Variants in CDH4 observed in about 807,000 individuals in gnomAD.
CDH4 encodes the protein cadherin 4.
CDH4 carries 33 observed loss-of-function variants against 86.0 expected under a neutral mutation model. The ratio of observed to expected loss-of-function variants is 0.38; its 90% CI spans 0.29 to 0.51. The LOEUF (loss-of-function observed/expected upper bound fraction) is 0.51. CDH4 is among the 20% of genes least tolerant of loss of function. The pLI is 0.86. For missense variants in CDH4, 1,114 were observed against 1,307.4 expected (o/e 0.85, Z 2.28); for synonymous variants, 555 against 549.4 (o/e 1.01, Z -0.14).
chr20:61,333,147 C>G (rs1383933730), intron 2 of CDH4, among the ~76,000 whole-genome samples: 1 of 152,116 alleles, frequency 6.6e-6, no homozygotes, highest in Non-Finnish European at 1.5e-5. Flanking sequence ...GGCATTGTGG[C>G]AACTCTAATA....
chr20:61,351,325 T>G (rs2123300321), intron 2 of CDH4, among the ~76,000 whole-genome samples: 1 of 152,290 alleles, frequency 6.6e-6, no homozygotes, highest in Non-Finnish European at 1.5e-5. Context: ...ATATAAGTGA[T>G]CCAGAGGTGA....
At chr20:61,398,889 C>A (rs1359169404) in intron 2 of CDH4, among the ~76,000 whole-genome samples, 1 of 152,210 alleles carries the variant, frequency 6.6e-6, no homozygotes, top group Non-Finnish European at 1.5e-5. Flanking sequence ...CACAGTCAGA[C>A]CCCGGCCACA....
intron 2 of CDH4, among the ~76,000 whole-genome samples, chr20:61,560,396 A>G (rs999909727): frequency 1.3e-5 from 2 of 152,148 alleles, no homozygotes; most frequent in Admixed American, 6.5e-5. Context: ...ACTCGCAACC[A>G]TTGTTTGAGG....
intron 2 of CDH4, among the ~76,000 whole-genome samples, chr20:61,366,392 G>A (rs1483832923): frequency 6.6e-6 from 1 of 152,166 alleles, no homozygotes; most frequent in Non-Finnish European, 1.5e-5. Context: ...AGCTCGGTCG[G>A]GGAGACCCTA....
intron 2 of CDH4, among the ~76,000 whole-genome samples, chr20:61,274,542 C>A (rs2084214037): frequency 6.9e-6 from 1 of 144,968 alleles, no homozygotes; most frequent in Non-Finnish European, 1.5e-5. Context: ...TGGGGGAATA[C>A]CATGTGCAAC....
intron 2 of CDH4, among the ~76,000 whole-genome samples, chr20:61,425,879 A>G (rs2085212258): frequency 6.6e-6 from 1 of 150,426 alleles, no homozygotes; most frequent in South Asian, 2.1e-4. Context: ...AGAATGGCCA[A>G]TTGCAGGACG....
chr20:61,310,219 G>T (rs1444810054), intron 2 of CDH4, among the ~76,000 whole-genome samples: 1 of 152,136 alleles, frequency 6.6e-6, no homozygotes, highest in Non-Finnish European at 1.5e-5. Flanking sequence ...TTGCTAGAGT[G>T]GGTGATGGGG....
chr20:61,534,648 C>CTTTCTTTTTTT (rs1568881693), intron 2 of CDH4, among the ~76,000 whole-genome samples: 14 of 108,374 alleles, frequency 1.3e-4, no homozygotes, highest in African/African-American at 4.8e-4. Flanking sequence ...TTCTTTCTTT[C>CTTTCTTTTTTT]TTTTCTTTCT....
At chr20:61,438,210 G>C (rs750797832) in intron 2 of CDH4, among the ~76,000 whole-genome samples, 6 of 152,056 alleles carry the variant, frequency 3.9e-5, no homozygotes, top group Non-Finnish European at 8.8e-5. Context: ...TTTAATTCAA[G>C]GACAAGTATC....
chr20:61,317,675 A>C (rs1229128496), intron 2 of CDH4, among the ~76,000 whole-genome samples: 1 of 152,122 alleles, frequency 6.6e-6, no homozygotes, highest in African/African-American at 2.4e-5. Context: ...CCCCTCCCCT[A>C]GGTGCCACAA....
intron 2 of CDH4, among the ~76,000 whole-genome samples, chr20:61,511,630 T>C (rs1272543612): frequency 6.6e-6 from 1 of 152,240 alleles, no homozygotes; most frequent in East Asian, 1.9e-4. Context: ...AAAATATGTG[T>C]ATGCATTAAG....
intron 2 of CDH4, among the ~76,000 whole-genome samples, chr20:61,631,440 A>C (rs2086887463): frequency 6.6e-6 from 1 of 152,108 alleles, no homozygotes; most frequent in African/African-American, 2.4e-5. Flanking sequence ...AGGGATTCGA[A>C]ACCAGCCTGG....
At chr20:61,519,127 G>A (rs7267177) in intron 2 of CDH4, among the ~76,000 whole-genome samples, 3,097 of 152,316 alleles carry the variant, frequency 0.02, 102 homozygotes, top group African/African-American at 0.07. Flanking sequence ...TTTAATGGAA[G>A]TTTCCACCAC....
chr20:61,569,437 G>A (rs961542996), intron 2 of CDH4, among the ~76,000 whole-genome samples: 96 of 152,208 alleles, frequency 6.3e-4, no homozygotes, highest in African/African-American at 2.3e-3. Flanking sequence ...CACAATGTCT[G>A]CTCTAGTCTC....
intron 2 of CDH4, among the ~76,000 whole-genome samples, chr20:61,292,805 T>C (rs377260583): frequency 6.6e-6 from 1 of 152,242 alleles, no homozygotes; most frequent in Non-Finnish European, 1.5e-5. Context: ...TTTGTTTTTG[T>C]AGCAACCTCT....
intron 4 of CDH4, among the ~76,000 whole-genome samples, chr20:61,819,028 G>C (rs576641495): frequency 4.6e-5 from 7 of 152,214 alleles, no homozygotes; most frequent in African/African-American, 1.7e-4. Flanking sequence ...TGGGCAGCAC[G>C]GCAGGAGCCA....
At chr20:61,828,316 C>A (rs1036205970) in intron 4 of CDH4, among the ~76,000 whole-genome samples, 12 of 152,174 alleles carry the variant, frequency 7.9e-5, no homozygotes, top group Admixed American at 7.2e-4. Context: ...TTGCCTCCCC[C>A]CATTACACAT....
intron 2 of CDH4, among the ~76,000 whole-genome samples, chr20:61,420,615 CA>C (rs2085171936): frequency 3.9e-5 from 6 of 152,250 alleles, no homozygotes; most frequent in Admixed American, 2.6e-4. Context: ...CAAGACCTAA[CA>C]GAAACCCATG....
At chr20:61,534,150 T>C (rs186919218) in intron 2 of CDH4, among the ~76,000 whole-genome samples, 9 of 152,376 alleles carry the variant, frequency 5.9e-5, no homozygotes, top group Admixed American at 2.6e-4. Flanking sequence ...GCTGGAAATA[T>C]TGATTTTTGG....
Sources: allele counts gnomAD v4.1 joint callset (sites outside exome capture counted in the v4.1 genomes callset), GRCh38; gene constraint gnomAD v4.1.1; transcripts MANE v1.5; gene names NCBI Gene and HGNC (gene_info 2026-07-23, HGNC 2026-07-21).